Variants in CFDP1 observed in about 807,000 individuals in gnomAD.
The protein encoded by CFDP1 is heterochromatin-stabilizing protein CFDP1.
Under a neutral mutation model 40.1 loss-of-function variants are expected in CFDP1, and 31 were observed. The observed-to-expected ratio is 0.77, with a 90% CI of 0.58 to 1.04. The LOEUF (loss-of-function observed/expected upper bound fraction) is 1.04, where lower values mean the gene tolerates loss of function less well. CFDP1 is among the 50% of genes least tolerant of loss of function. The pLI, the probability that CFDP1 is intolerant of heterozygous loss-of-function variation, is 0.00. For synonymous variants in CFDP1, 167 were observed against 120.0 expected (o/e 1.39, Z -2.56); for missense variants, 423 against 343.4 (o/e 1.23, Z -1.83).
intron 5 of CFDP1, among the ~76,000 whole-genome samples, chr16:75,394,322 T>C (rs542170257): frequency 6.6e-6 from 1 of 152,334 alleles, no homozygotes; most frequent in Non-Finnish European, 1.5e-5. Context: ...AATTTTTACT[T>C]CTTCCAAAAA....
At chr16:75,349,318 A>G (rs1314703692) in intron 5 of CFDP1, among the ~76,000 whole-genome samples, 1 of 151,736 alleles carries the variant, frequency 6.6e-6, no homozygotes, top group Admixed American at 6.6e-5. Context: ...AGGACCAGCC[A>G]GGCCAAAATG....
At chr16:75,360,176 G>C (rs2078672239) in intron 5 of CFDP1, among the ~76,000 whole-genome samples, 1 of 152,168 alleles carries the variant, frequency 6.6e-6, no homozygotes, top group African/African-American at 2.4e-5. Context: ...TTACAGGCAT[G>C]AGCCACTGCG....
chr16:75,345,858 G>A (rs769830646), intron 5 of CFDP1, among the ~76,000 whole-genome samples: 3 of 152,158 alleles, frequency 2.0e-5, no homozygotes, highest in Non-Finnish European at 4.4e-5. Flanking sequence ...ACATGACAGT[G>A]GGTCCTAAGT....
At chr16:75,354,824 T>C (rs2078635936) in intron 5 of CFDP1, among the ~76,000 whole-genome samples, 2 of 152,342 alleles carry the variant, frequency 1.3e-5, no homozygotes, top group South Asian at 4.1e-4. Context: ...TGGATAATAG[T>C]ACCGTCCCGT....
rs150085864 is a variant in CFDP1 at position 75,430,121 on chromosome 16, G to C, written c.64+3168C>G. Among the ~76,000 whole-genome samples, 837 of 152,236 alleles carry C rather than the reference G, an allele frequency of 5.5e-3. 4 individuals are homozygous for C. Among genetic ancestry groups the C allele is most frequent in the African/African-American group, 0.019 (793 of 41,530 alleles). ...CAGGTTGAGTTTGCCTAAACAGAAA[G>C]GAATGTCTGGGTTAAGATAGAGGTT... On this transcript the variant is annotated intron_variant, in intron 1 of 6. Coordinates refer to ENST00000283882, the MANE Select transcript of CFDP1 (RefSeq NM_006324.3).
At chr16:75,300,019 G>A (rs1339535511) in intron 6 of CFDP1, among the ~76,000 whole-genome samples, 3 of 152,102 alleles carry the variant, frequency 2.0e-5, no homozygotes, top group Admixed American at 1.3e-4. Flanking sequence ...GGAGGGCCTG[G>A]TTAACACTGA....
Position 75,391,080 on chromosome 16 carries a change from T to C in CFDP1, c.650+4010A>G, listed in dbSNP as rs188719672. On this transcript the variant is annotated intron_variant, in intron 5 of 6. Transcript: ENST00000283882. The stretch of plus-strand genomic sequence containing the variant: ...ACAAGCAGTGAGATTTCTACATGAG[T>C]GACTTAAGCTGATTTTAAGCTGCCA... Among the ~76,000 whole-genome samples the C allele has an allele frequency of 3.3e-5, 5 of 152,322 alleles. No homozygotes were observed. In the East Asian group the frequency reaches 5.8e-4, roughly 18 times the overall value.
rs565423972 is a variant in CFDP1, at chr16:75,296,605, G to A, written c.810-2563C>T. On this transcript the variant is annotated intron_variant, in intron 6 of 6. Transcript: ENST00000283882. ...CTGGGTACGAATAAAGGTCCTGCACGTTCCCAGAAGCTGTGTTGGGTCCAG... is the reference window on the plus strand; with the variant it reads ...CTGGGTACGAATAAAGGTCCTGCACATTCCCAGAAGCTGTGTTGGGTCCAG... Among the ~76,000 whole-genome samples the A allele has an allele frequency of 2.6e-5, 4 of 152,344 alleles. No homozygotes were observed. The South Asian group carries it at 8.3e-4, about 32-fold the overall frequency.
At chr16:75,403,093 G>A (rs1276134049) in intron 4 of CFDP1, among the ~76,000 whole-genome samples, 3 of 151,972 alleles carry the variant, frequency 2.0e-5, no homozygotes, top group African/African-American at 4.8e-5. Flanking sequence ...AACAGCAGAC[G>A]CCCTGAATAC....
intron 5 of CFDP1, among the ~76,000 whole-genome samples, chr16:75,385,509 AT>A: frequency 6.6e-6 from 1 of 151,718 alleles, no homozygotes; most frequent in African/African-American, 2.4e-5. Flanking sequence ...AAGAAAAATC[AT>A]TTCTCTTTCT....
intron 1 of CFDP1, among the ~76,000 whole-genome samples, chr16:75,430,779 A>G (rs28716331): frequency 0.031 from 4,788 of 152,264 alleles, 227 homozygotes; most frequent in African/African-American, 0.11. Flanking sequence ...CAGTTTTATC[A>G]TACAGATGAA....
At chr16:75,364,221 T>C (rs983676849) in intron 5 of CFDP1, among the ~76,000 whole-genome samples, 3 of 152,158 alleles carry the variant, frequency 2.0e-5, no homozygotes, top group Non-Finnish European at 4.4e-5. Context: ...ACAATTCACT[T>C]TTTAAAAAAA....
intron 5 of CFDP1, among the ~76,000 whole-genome samples, chr16:75,376,628 A>C (rs28790286): frequency 6.6e-6 from 1 of 152,198 alleles, no homozygotes; most frequent in Non-Finnish European, 1.5e-5. Flanking sequence ...AACTTTCTGG[A>C]GTGACGGAAT....
At chr16:75,338,278 G>A (rs2078503601) in intron 5 of CFDP1, among the ~76,000 whole-genome samples, 2 of 152,192 alleles carry the variant, frequency 1.3e-5, no homozygotes, top group Non-Finnish European at 2.9e-5. Context: ...TGCTGCAGGT[G>A]GCAGTGTTTC....
intron 5 of CFDP1, among the ~76,000 whole-genome samples, chr16:75,332,855 T>C (rs1211337453): frequency 6.7e-6 from 1 of 149,824 alleles, no homozygotes; most frequent in African/African-American, 2.5e-5. Flanking sequence ...TCACCCAGGC[T>C]GGAGTACAGT....
At chr16:75,392,393 AG>A (rs2078959722) in intron 5 of CFDP1, among the ~76,000 whole-genome samples, 1 of 151,000 alleles carries the variant, frequency 6.6e-6, no homozygotes, top group African/African-American at 2.4e-5. Context: ...AAACAGTGCG[AG>A]ACTCCAACTT....
At chr16:75,397,466 A>G (rs1414304026) in intron 4 of CFDP1, among the ~76,000 whole-genome samples, 1 of 151,924 alleles carries the variant, frequency 6.6e-6, no homozygotes, top group Non-Finnish European at 1.5e-5. Context: ...AGATAGCATC[A>G]CTGCACTCCA....
intron 5 of CFDP1, among the ~76,000 whole-genome samples, chr16:75,355,195 G>C (rs918348879): frequency 2.0e-5 from 3 of 152,224 alleles, no homozygotes; most frequent in Non-Finnish European, 4.4e-5. Flanking sequence ...GTTGATGGCT[G>C]ATGACTGATC....
intron 5 of CFDP1, among the ~76,000 whole-genome samples, chr16:75,338,192 A>G (rs549191725): frequency 6.6e-6 from 1 of 152,288 alleles, no homozygotes; most frequent in South Asian, 2.1e-4. Flanking sequence ...GATGGGTTAC[A>G]AAAGAGACAT....
Sources: gnomAD v4.1 joint callset for allele counts (sites outside exome capture counted in the v4.1 genomes callset) on GRCh38, gnomAD v4.1.1 for gene constraint, MANE v1.5 for transcripts, NCBI Gene and HGNC (gene_info 2026-07-23, HGNC 2026-07-21) for gene names.